Variants in NSD3 observed in about 807,000 individuals in gnomAD.
The protein encoded by NSD3 is histone-lysine N-methyltransferase NSD3.
NSD3 carries 24 observed loss-of-function variants against 160.8 expected under a neutral mutation model. That is an observed-to-expected ratio of 0.15 (90% CI 0.11 to 0.21). The LOEUF (loss-of-function observed/expected upper bound fraction) is 0.21, where lower values mean the gene tolerates loss of function less well. Ranked by LOEUF, NSD3 falls within the 10% of genes least tolerant of loss-of-function variation. The pLI is 1.00. For synonymous variants in NSD3, 520 were observed against 600.0 expected, an observed-to-expected ratio of 0.87 and a Z score of 1.95; for missense variants, 1,157 against 1,735.9, an observed-to-expected ratio of 0.67 and a Z score of 5.93.
At chr8:38,373,531 C>T (rs1337891775) in intron 1 of NSD3, among the ~76,000 whole-genome samples, 2 of 152,094 alleles carry the variant, frequency 1.3e-5, no homozygotes, top group African/African-American at 2.4e-5. Flanking sequence ...ATATAGCTTT[C>T]TTAAGCCTCC....
chr8:38,303,204 G>A (rs1031297406), intron 14 of NSD3: 4 of 981,806 alleles, frequency 4.1e-6, no homozygotes, highest in African/African-American at 1.7e-5. Flanking sequence ...AGACTCTAAA[G>A]CTAAACATTC....
At chr8:38,299,233 G>A (rs190432066) in intron 15 of NSD3, among the ~76,000 whole-genome samples, 129 of 152,184 alleles carry the variant, frequency 8.5e-4, no homozygotes, top group Non-Finnish European at 1.3e-3. Context: ...TTATTCAAGG[G>A]AAGAGTATGT....
chr8:38,294,843 A>T (rs534647840), intron 16 of NSD3, among the ~76,000 whole-genome samples: 94 of 151,788 alleles, frequency 6.2e-4, no homozygotes, highest in Admixed American at 1.1e-3. Context: ...TTAAAAAAAA[A>T]TTTTTAAAGT....
rs1033775598 is a variant in NSD3, at chr8:38,273,376, T to G, written c.*2265A>C. On this transcript the variant is annotated 3_prime_UTR_variant, in exon 24 of 24. Coordinates refer to ENST00000317025, the MANE Select transcript of NSD3 (RefSeq NM_023034.2). ...AATTTTTTTTTAATTTCAGCAGAGC[T>G]CTGTTACAGATATGAAAACAAAATG... 1 of 152,154 alleles carries G rather than the reference T, an allele frequency of 6.6e-6. No individual in the cohort carries two copies. The highest frequency in any genetic ancestry group is 2.4e-5 in the African/African-American group (1 of 41,426). The allele number at this position is 152,154 out of a possible 1,614,324, so 9.4% of individuals were successfully genotyped here. A position where few individuals can be genotyped will look rare whatever the true frequency, so the allele number is the denominator to read the frequency against.
At position 38,329,170 on chromosome 8, in the gene NSD3, G is replaced by A. The variant is rs959743159; in HGVS notation, c.1581+208C>T. Among the ~76,000 whole-genome samples, 1 of 152,128 alleles carries A rather than the reference G, an allele frequency of 6.6e-6. No individual in the cohort carries two copies. Among genetic ancestry groups the A allele is most frequent in the Non-Finnish European group, 1.5e-5 (1 of 68,032 alleles). ...AGCTCAAGACTAATCTACTACAGAT[G>A]GGAAAATCACAAAAGAAGGGGATAA... On this transcript the variant is annotated intron_variant, in intron 6 of 23. Transcript: ENST00000317025. The surrounding 1 kb of genome is among the most constrained non-coding windows in gnomAD (Gnocchi z 4.8).
At chr8:38,289,306 A>G (rs1460101158) in intron 18 of NSD3, 87 bp downstream of exon 18, 19 of 1,248,266 alleles carry the variant, frequency 1.5e-5, no homozygotes, top group Middle Eastern at 4.0e-4. Flanking sequence ...ATTTCGTCTC[A>G]TCTATTAAAT....
intron 2 of NSD3, among the ~76,000 whole-genome samples, chr8:38,343,363 A>G (rs2150381552): frequency 6.6e-6 from 1 of 152,260 alleles, no homozygotes; most frequent in African/African-American, 2.4e-5. Context: ...TAAATTGTGC[A>G]TTTTTATTTT....
At chr8:38,367,619 G>A (rs1811133846) in intron 1 of NSD3, among the ~76,000 whole-genome samples, 1 of 152,110 alleles carries the variant, frequency 6.6e-6, no homozygotes, top group Non-Finnish European at 1.5e-5. Context: ...GGCTGAGGCA[G>A]GAGAATCACT....
Position 38,329,598 on chromosome 8 carries a change from C to T in NSD3, c.1361G>A (p.Arg454Gln), listed in dbSNP as rs374483765. ...STEIRRHSQR[R>Q]HTSAEEEEPP... The stretch of plus-strand genomic sequence containing the variant: ...CTCTTCCTCTTCCGCACTTGTGTGC[C>T]GCCTCTGGCTATGTCTCCGAATTTC... Residue 454 changes from arginine (R) to glutamine (Q), a missense_variant, in exon 6 of 24, where the codon CGG becomes CAG. Physicochemically the swap from Arg to Gln is conservative, Grantham distance 43 (BLOSUM62 1). Around this residue, in one of 10 missense-constraint regions of NSD3, gnomAD observed 168 missense variants for 208.1 expected, o/e 0.81. Coordinates refer to ENST00000317025, the MANE Select transcript of NSD3 (RefSeq NM_023034.2). The surrounding 1 kb of genome is among the most constrained non-coding windows in gnomAD (Gnocchi z 4.8). 4.3e-6 allele frequency: 7 copies of T among 1,614,060 alleles called. No individual in the cohort carries two copies. Among genetic ancestry groups the T allele is most frequent in the Admixed American group, 3.3e-5 (2 of 60,002 alleles).
intron 13 of NSD3, 112 bp from the exon 14 acceptor site, chr8:38,304,869 G>T: frequency 8.6e-7 from 1 of 1,159,582 alleles, no homozygotes; most frequent in Non-Finnish European, 1.2e-6. Context: ...TACAGTAGAT[G>T]GAAAGCATTT....
At chr8:38,296,656 T>TTCTC in intron 15 of NSD3, among the ~76,000 whole-genome samples, 1 of 142,546 alleles carries the variant, frequency 7.0e-6, no homozygotes, top group East Asian at 2.1e-4. Flanking sequence ...AAACCTCTCT[T>TTCTC]TCTCTCTCTC....
In NSD3 at chr8:38,316,418, A is replaced by G; in HGVS notation, c.1856-376T>C. The G allele has an allele frequency of 9.5e-7, 1 of 1,053,572 alleles. No homozygotes were observed. The highest frequency in any genetic ancestry group is 1.1e-6 in the Non-Finnish European group (1 of 871,372). 65.3% of individuals were successfully genotyped at this position (1,053,572 alleles called of 1,614,324 possible). A position where few individuals can be genotyped will look rare whatever the true frequency, so the allele number is the denominator to read the frequency against. On this transcript the variant is annotated intron_variant, in intron 9 of 23. Transcript: ENST00000317025. The surrounding 1 kb of genome is among the most constrained non-coding windows in gnomAD (Gnocchi z 4.5). ...AGACATAAAACCCAACACACTGTGT[A>G]GCTTACAAATATGGTTGCAGAGACA...
chr8:38,321,096 T>A lies in NSD3; in HGVS notation c.1785A>T (p.Pro595=), dbSNP rs1314660045. The A allele has an allele frequency of 1.2e-6, 2 of 1,613,622 alleles. No individual in the cohort carries two copies. The highest frequency in any genetic ancestry group is 4.5e-5 in the East Asian group (2 of 44,852). The change falls in exon 8 of 24, where the codon CCA becomes CCT. Residue 595 remains proline (P), a synonymous_variant. Coordinates refer to ENST00000317025, the MANE Select transcript of NSD3 (RefSeq NM_023034.2). The surrounding 1 kb of genome is among the most constrained non-coding windows in gnomAD (Gnocchi z 4.7). Reference sequence around the variant, plus strand: ...CCTGCTCCTTTTTGATCTTCTTCTTTGGCACAACCTCAGTGGATTTCTCTG... The same window carrying A: ...CCTGCTCCTTTTTGATCTTCTTCTTAGGCACAACCTCAGTGGATTTCTCTG... The part of the protein sequence containing the change: ...SESEKSTEVV[P]KKKIKKEQVE...
chr8:38,332,746 ATAAT>A (rs909832892), intron 4 of NSD3, among the ~76,000 whole-genome samples: 5 of 152,192 alleles, frequency 3.3e-5, no homozygotes, highest in Admixed American at 6.5e-5. Flanking sequence ...TTTTTTTTAA[ATAAT>A]TAAGTTTGGT....
chr8:38,322,073 A>C (rs1327096493), intron 7 of NSD3, among the ~76,000 whole-genome samples: 1 of 152,076 alleles, frequency 6.6e-6, no homozygotes, highest in Non-Finnish European at 1.5e-5. Flanking sequence ...AATCATAATC[A>C]CCTCTGGCTT....
intron 16 of NSD3, 39 bp from the exon 17 acceptor site, chr8:38,290,716 C>T (rs759145703): frequency 3.4e-5 from 55 of 1,596,208 alleles, no homozygotes; most frequent in South Asian, 1.9e-4. Flanking sequence ...AGGGCAAAAA[C>T]GAAACAAAAA....
chr8:38,288,553 A>G lies in NSD3; in HGVS notation c.3435T>C (p.Pro1145=). The stretch of plus-strand genomic sequence containing the variant: ...GCTCCGTTTTGATGATCTCTGCATC[A>G]GGGTATAGTCTCTTTGTAAAGCACT... ...QNQCFTKRLY[P]DAEIIKTERR... Residue 1145 remains proline, a synonymous_variant, in exon 19 of 24, where the codon CCT becomes CCC. Coordinates refer to ENST00000317025, the MANE Select transcript of NSD3 (RefSeq NM_023034.2). This position sits in a 1 kb window ranked among gnomAD's most constrained non-coding sequence, Gnocchi z 4.5. 1 of 1,614,166 alleles carries G rather than the reference A, an allele frequency of 6.2e-7. No individual in the cohort carries two copies. Among genetic ancestry groups the G allele is most frequent in the South Asian group, 1.1e-5 (1 of 91,082 alleles).
intron 2 of NSD3, among the ~76,000 whole-genome samples, chr8:38,340,013 T>A (rs926135394): frequency 1.3e-5 from 2 of 152,152 alleles, no homozygotes; most frequent in Non-Finnish European, 2.9e-5. Flanking sequence ...ACAAAATTGA[T>A]ACCAGTAATT....
At position 38,272,409 on chromosome 8, in the gene NSD3, G is replaced by A. The variant is rs1002137306; in HGVS notation, c.*3232C>T. ...CTCCCTGATTAGACATTAAAGAGGT[G>A]AATCACTGCCTCTGGCTGCTTCAGC... On this transcript the variant is annotated 3_prime_UTR_variant, in exon 24 of 24. Coordinates refer to ENST00000317025, the MANE Select transcript of NSD3 (RefSeq NM_023034.2). 2 of 152,222 alleles carry A rather than the reference G, an allele frequency of 1.3e-5. No individual in the cohort carries two copies. The highest frequency in any genetic ancestry group is 4.8e-5 in the African/African-American group (2 of 41,438). The allele number at this position is 152,222 out of a possible 1,614,324, so 9.4% of individuals were successfully genotyped here.
Sources: gnomAD v4.1 joint callset for allele counts (sites outside exome capture counted in the v4.1 genomes callset) on GRCh38, gnomAD v4.1.1 for gene constraint, gnomAD v4.1.1 regional missense constraint, Gnocchi (gnomAD v3.1) non-coding constraint, MANE v1.5 for transcripts, NCBI Gene and HGNC (gene_info 2026-07-23, HGNC 2026-07-21) for gene names.